The following COL25A1 variants were observed in gnomAD, a reference collection of about 807,000 sequenced individuals.
The protein encoded by COL25A1 is collagen type XXV alpha 1 chain.
In COL25A1, 103 loss-of-function variants were observed where a neutral mutation model predicts 128.4. The observed-to-expected ratio is 0.80, with a 90% CI of 0.68 to 0.94. The LOEUF (loss-of-function observed/expected upper bound fraction) is 0.94, where lower values mean the gene tolerates loss of function less well. Ranked by LOEUF, COL25A1 falls within the 40% of genes least tolerant of loss-of-function variation. COL25A1 has a pLI of 0.00. For missense variants in COL25A1, 745 were observed against 840.0 expected (o/e 0.89, Z 1.40); for synonymous variants, 279 against 277.2 (o/e 1.01, Z -0.06).
chr4:108,886,473 TGTG>T, intron 18 of COL25A1, among the ~76,000 whole-genome samples: 1 of 126,608 alleles, frequency 7.9e-6, no homozygotes, highest in African/African-American at 2.7e-5. Context: ...TGTGTGTGTG[TGTG>T]TGTGTGTGTG....
At chr4:109,146,456 A>C (rs2126094361) in intron 3 of COL25A1, among the ~76,000 whole-genome samples, 1 of 152,344 alleles carries the variant, frequency 6.6e-6, no homozygotes, top group South Asian at 2.1e-4. Context: ...ATTAAATAGT[A>C]ATTGAACAAA....
At chr4:108,826,592 T>C (rs954503853) in intron 33 of COL25A1, among the ~76,000 whole-genome samples, 1 of 152,168 alleles carries the variant, frequency 6.6e-6, no homozygotes, top group Admixed American at 6.5e-5. Context: ...GCACTATCAG[T>C]GTTCTATGTT....
intron 3 of COL25A1, among the ~76,000 whole-genome samples, chr4:109,171,709 C>A (rs1051920359): frequency 6.6e-6 from 1 of 152,102 alleles, no homozygotes; most frequent in African/African-American, 2.4e-5. Flanking sequence ...TGACATAACA[C>A]CTGACATGTA....
At chr4:109,165,535 C>T (rs1772989943) in intron 3 of COL25A1, among the ~76,000 whole-genome samples, 1 of 152,050 alleles carries the variant, frequency 6.6e-6, no homozygotes, top group Non-Finnish European at 1.5e-5. Flanking sequence ...GGGCAACATA[C>T]TGAGACCCAG....
intron 31 of COL25A1, among the ~76,000 whole-genome samples, chr4:108,836,070 C>T (rs1306280007): frequency 1.3e-5 from 2 of 151,162 alleles, no homozygotes; most frequent in Non-Finnish European, 1.5e-5. Context: ...ACAGGTTTCA[C>T]CATGTTAGCC....
chr4:108,956,466 C>T (rs1032416824), intron 8 of COL25A1, among the ~76,000 whole-genome samples: 5 of 152,166 alleles, frequency 3.3e-5, no homozygotes, highest in African/African-American at 4.8e-5. Flanking sequence ...AGTGCAATGG[C>T]GCAATCTTTG....
rs115082769 is a variant in COL25A1 at position 108,992,204 on chromosome 4, T to C, written c.439-17645A>G. 3.3e-3 allele frequency among the ~76,000 whole-genome samples: 505 copies of C among 152,334 alleles called. 4 individuals carry two copies. Among genetic ancestry groups the C allele is most frequent in the African/African-American group, 0.012 (497 of 41,574 alleles). On this transcript the variant is annotated intron_variant, in intron 6 of 37. Coordinates refer to ENST00000399132, the MANE Select transcript of COL25A1 (RefSeq NM_198721.4). ...CTCCTCCAAATTCCTAAGGCAATTA[T>C]ATCTCCTTTATGTTCATGAAACTCC...
intron 3 of COL25A1, among the ~76,000 whole-genome samples, chr4:109,106,044 T>C (rs867719045): frequency 3.9e-5 from 6 of 152,230 alleles, no homozygotes; most frequent in Non-Finnish European, 8.8e-5. Context: ...TACTGTGCTT[T>C]CTACATTTTC....
In COL25A1 at chr4:109,212,919, T is replaced by C. The variant is rs576889708; in HGVS notation, c.367+87664A>G. 5.3e-5 allele frequency among the ~76,000 whole-genome samples: 8 copies of C among 152,220 alleles called. No homozygotes were observed. In the East Asian group the frequency reaches 1.4e-3, roughly 26 times the overall value. ...TAAGAGAGTATAAGAATTAGTGACA[T>C]AGGTCCCTACTTGTTCTTCACCACA... On this transcript the variant is annotated intron_variant, in intron 3 of 37. Transcript: ENST00000399132.
intron 3 of COL25A1, among the ~76,000 whole-genome samples, chr4:109,261,242 G>A (rs966813090): frequency 1.3e-5 from 2 of 152,054 alleles, no homozygotes; most frequent in Admixed American, 1.3e-4. Flanking sequence ...AAGAAATTAG[G>A]CCAGGCACAG....
intron 19 of COL25A1, among the ~76,000 whole-genome samples, chr4:108,881,583 C>T (rs1048382026): frequency 3.3e-5 from 5 of 152,096 alleles, no homozygotes; most frequent in African/African-American, 9.7e-5. Context: ...TACTGCTACT[C>T]GTTCAAACTA....
intron 8 of COL25A1, among the ~76,000 whole-genome samples, chr4:108,972,737 A>T (rs1045775316): frequency 3.3e-5 from 5 of 152,134 alleles, no homozygotes; most frequent in African/African-American, 1.2e-4. Flanking sequence ...ACTTGGCCCC[A>T]CTCAGTGTGA....
At chr4:109,000,743 C>CAAAAAAAAAAAA (rs1180104512) in intron 6 of COL25A1, among the ~76,000 whole-genome samples, 6 of 36,416 alleles carry the variant, frequency 1.6e-4, no homozygotes, top group Non-Finnish European at 2.3e-4. Context: ...GAGACTCTGT[C>CAAAAAAAAAAAA]AAAAAAAAAA....
intron 8 of COL25A1, among the ~76,000 whole-genome samples, chr4:108,966,349 T>C (rs1751293751): frequency 6.6e-6 from 1 of 152,212 alleles, no homozygotes; most frequent in African/African-American, 2.4e-5. Context: ...TTTGTGCTTG[T>C]GTTCCCCAGC....
At chr4:108,896,884 AT>A (rs1742215681) in intron 15 of COL25A1, among the ~76,000 whole-genome samples, 173 bp from the exon 16 acceptor site, 1 of 152,228 alleles carries the variant, frequency 6.6e-6, no homozygotes, top group African/African-American at 2.4e-5. Flanking sequence ...AATAAAAGAA[AT>A]TTTACTACAA....
chr4:108,854,085 T>G (rs1044521585), intron 24 of COL25A1: 2 of 152,178 alleles, frequency 1.3e-5, no homozygotes, highest in Non-Finnish European at 2.9e-5. Context: ...CCATCTGATC[T>G]TTGACAAACC....
intron 3 of COL25A1, among the ~76,000 whole-genome samples, chr4:109,288,454 T>A (rs1364653839): frequency 6.6e-6 from 1 of 152,180 alleles, no homozygotes; most frequent in Non-Finnish European, 1.5e-5. Flanking sequence ...TCCATTATGA[T>A]CAAAGATGCT....
At chr4:108,955,690 A>T (rs1271855894) in intron 8 of COL25A1, among the ~76,000 whole-genome samples, 4 of 152,196 alleles carry the variant, frequency 2.6e-5, no homozygotes, top group Non-Finnish European at 5.9e-5. Context: ...CAACAAAAAG[A>T]GTATATTCCG....
At chr4:108,838,223 T>C in intron 31 of COL25A1, 1 of 1,355,274 alleles carries the variant, frequency 7.4e-7, no homozygotes, top group Non-Finnish European at 1.0e-6. Context: ...ATTATGGGTG[T>C]TTAAACTGTG....
Sources: allele counts gnomAD v4.1 joint callset (sites outside exome capture counted in the v4.1 genomes callset), GRCh38; gene constraint gnomAD v4.1.1; transcripts MANE v1.5; gene names NCBI Gene and HGNC (gene_info 2026-07-23, HGNC 2026-07-21).